The following XPO6 variants were observed in gnomAD, a reference collection of about 807,000 sequenced individuals.
XPO6 encodes the protein exportin 6.
XPO6 carries 3 observed loss-of-function variants against 130.0 expected under a neutral mutation model. The observed-to-expected ratio is 0.02, with a 90% CI of 0.01 to 0.06. The LOEUF (loss-of-function observed/expected upper bound fraction) is 0.06. Among genes scored for constraint, XPO6 ranks in the 10% least tolerant of loss-of-function variants. The pLI is 1.00. For synonymous variants in XPO6, 524 were observed against 548.9 expected (o/e 0.95, Z 0.63); for missense variants, 970 against 1,393.0 (o/e 0.70, Z 4.83).
rs539309869 is a variant in XPO6 at position 28,159,155 on chromosome 16, G to A, written c.644-2628C>T. 1.1e-3 allele frequency among the ~76,000 whole-genome samples: 170 copies of A among 152,016 alleles called. 1 individual carries two copies. Among genetic ancestry groups the A allele is most frequent in the African/African-American group, 3.7e-3 (154 of 41,440 alleles). ...TGAAGTGGGAGGATCGCTTGAGCCC[G>A]GGGAGGTCAAGGCTGCAGTGAGCTA... On this transcript the variant is annotated intron_variant, in intron 6 of 23. Coordinates refer to ENST00000304658, the MANE Select transcript of XPO6 (RefSeq NM_015171.4).
At chr16:28,128,693 C>T (rs1186569412) in intron 12 of XPO6, among the ~76,000 whole-genome samples, 2 of 152,350 alleles carry the variant, frequency 1.3e-5, no homozygotes, top group Admixed American at 6.5e-5. Flanking sequence ...TTCCCCTGCA[C>T]ACCCGGCCCT....
intron 1 of XPO6, among the ~76,000 whole-genome samples, chr16:28,199,053 T>A (rs1432008051): frequency 2.0e-5 from 3 of 152,124 alleles, no homozygotes; most frequent in Non-Finnish European, 4.4e-5. Context: ...GGCAGGAGAA[T>A]CGCTTGAACC....
At chr16:28,127,974 C>A (rs1323128198) in intron 12 of XPO6, among the ~76,000 whole-genome samples, 1 of 152,170 alleles carries the variant, frequency 6.6e-6, no homozygotes, top group Non-Finnish European at 1.5e-5. Context: ...AAGCCAGCTC[C>A]TCCAACCACA....
At chr16:28,140,377 T>C (rs953468889) in intron 9 of XPO6, among the ~76,000 whole-genome samples, 11 of 151,486 alleles carry the variant, frequency 7.3e-5, no homozygotes, top group Middle Eastern at 3.3e-3. Flanking sequence ...AATTAAAATG[T>C]AACATTAAAA....
chr16:28,172,554 A>C (rs927224190), intron 4 of XPO6, among the ~76,000 whole-genome samples: 1 of 152,148 alleles, frequency 6.6e-6, no homozygotes, highest in African/African-American at 2.4e-5. Flanking sequence ...ACGTATATGC[A>C]GGCAGGTGGG....
intron 1 of XPO6, among the ~76,000 whole-genome samples, chr16:28,181,848 C>A (rs2043622009): frequency 6.6e-6 from 1 of 152,118 alleles, no homozygotes; most frequent in Admixed American, 6.5e-5. Context: ...AGACTCTCAG[C>A]AGAACTGCTC....
In XPO6 at chr16:28,205,114, C is replaced by A. The variant is rs1458093684; in HGVS notation, c.3+6252G>T. Among the ~76,000 whole-genome samples, 3 of 152,038 alleles carry A rather than the reference C, an allele frequency of 2.0e-5. No individual in the cohort carries two copies. In the East Asian group the frequency reaches 5.8e-4, roughly 29 times the overall value. ...GGAATTAGAGACCAAGTACAGGCCA[C>A]TCCTTCCTGGGGTTTTGTTGCAAAG... On this transcript the variant is annotated intron_variant, in intron 1 of 23. Coordinates refer to ENST00000304658, the MANE Select transcript of XPO6 (RefSeq NM_015171.4).
At chr16:28,127,852 T>C (rs2042591535) in intron 12 of XPO6, among the ~76,000 whole-genome samples, 1 of 152,202 alleles carries the variant, frequency 6.6e-6, no homozygotes, top group Admixed American at 6.5e-5. Context: ...AGGCTGGTTT[T>C]GACCTGTCCC....
chr16:28,100,373 G>C (rs1596766767), intron 23 of XPO6, among the ~76,000 whole-genome samples: 1 of 152,236 alleles, frequency 6.6e-6, no homozygotes, highest in Admixed American at 6.5e-5. Context: ...TAAGTATTAG[G>C]ATCTGGCCTC....
Position 28,152,869 on chromosome 16 carries a change from C to T in XPO6, c.1098-84G>A, listed in dbSNP as rs981424987. On this transcript the variant is annotated intron_variant, in intron 7 of 23. Transcript: ENST00000304658. ...AATTCAATCCAAAGTTCTTTCAGTA[C>T]AGAACTATACAAATTTGTAATATAT... The T allele has an allele frequency of 6.6e-6, 10 of 1,521,118 alleles. No homozygotes were observed. The Middle Eastern group carries it at 5.2e-4, about 79-fold the overall frequency. 94.2% of individuals were successfully genotyped at this position (1,521,118 alleles called of 1,614,324 possible).
At chr16:28,148,856 A>C (rs1217459315) in intron 8 of XPO6, among the ~76,000 whole-genome samples, 1 of 152,044 alleles carries the variant, frequency 6.6e-6, no homozygotes, top group Non-Finnish European at 1.5e-5. Context: ...AGCCTGGTCA[A>C]CACGGTGAAA....
chr16:28,187,391 A>G (rs2043712024), intron 1 of XPO6, among the ~76,000 whole-genome samples: 1 of 152,140 alleles, frequency 6.6e-6, no homozygotes, highest in South Asian at 2.1e-4. Context: ...TGGTCATTTC[A>G]GAATGGCAAA....
At chr16:28,155,785 G>T in intron 7 of XPO6, 1 of 506,914 alleles carries the variant, frequency 2.0e-6, no homozygotes, top group Non-Finnish European at 2.9e-6. Flanking sequence ...CAAGCAAATA[G>T]TAAGGAAAAG....
intron 9 of XPO6, among the ~76,000 whole-genome samples, 174 bp from the exon 10 acceptor site, chr16:28,135,498 A>C (rs1026269756): frequency 3.3e-5 from 5 of 152,276 alleles, no homozygotes; most frequent in African/African-American, 4.8e-5. Context: ...ATGGAAGAGA[A>C]GCAGAGGTAT....
intron 1 of XPO6, among the ~76,000 whole-genome samples, chr16:28,197,418 A>G (rs1434045704): frequency 6.6e-6 from 1 of 152,214 alleles, no homozygotes; most frequent in East Asian, 1.9e-4. Flanking sequence ...ACAAAAAATA[A>G]AATCTAACTT....
At chr16:28,195,875 A>G (rs2043852721) in intron 1 of XPO6, among the ~76,000 whole-genome samples, 1 of 152,194 alleles carries the variant, frequency 6.6e-6, no homozygotes, top group African/African-American at 2.4e-5. Context: ...CACATTTACT[A>G]AGGTCTTATG....
At chr16:28,166,635 T>C (rs767876456) in intron 5 of XPO6, 50 bp from the exon 6 acceptor site, 1 of 1,550,748 alleles carries the variant, frequency 6.4e-7, no homozygotes, top group African/African-American at 1.4e-5. Context: ...GTCCAGCATA[T>C]AAAAATCATA....
chr16:28,190,396 A>C (rs2043767846), intron 1 of XPO6, among the ~76,000 whole-genome samples: 1 of 151,612 alleles, frequency 6.6e-6, no homozygotes, highest in South Asian at 2.1e-4. Flanking sequence ...ATTTTTTTTG[A>C]ATTTTTATTA....
At position 28,098,428 on chromosome 16, in the gene XPO6, G is replaced by A; in HGVS notation, c.*110C>T. The A allele has an allele frequency of 3.2e-6, 3 of 926,922 alleles. No individual in the cohort carries two copies. The highest frequency in any genetic ancestry group is 4.9e-6 in the Non-Finnish European group (3 of 609,432). 57.4% of individuals were successfully genotyped at this position (926,922 alleles called of 1,614,324 possible). ...GAGGCAGGCAGCGTTGCTTGCGGTG[G>A]GAGAAGCCAAGGAGTGTGACCAAGG... On this transcript the variant is annotated 3_prime_UTR_variant, in exon 24 of 24. Transcript: ENST00000304658.
Sources: allele counts gnomAD v4.1 joint callset (sites outside exome capture counted in the v4.1 genomes callset), GRCh38; gene constraint gnomAD v4.1.1; transcripts MANE v1.5; gene names NCBI Gene and HGNC (gene_info 2026-07-23, HGNC 2026-07-21).